The following TPRG1 variants were observed in gnomAD, a reference collection of about 807,000 sequenced individuals.
TPRG1 encodes the protein tumor protein p63 regulated 1.
In TPRG1, 29 loss-of-function variants were observed where a neutral mutation model predicts 29.3. That is an observed-to-expected ratio of 0.99 (90% CI 0.74 to 1.35). The LOEUF (loss-of-function observed/expected upper bound fraction) is 1.35. TPRG1 is among the 40% of genes most tolerant of loss of function. The pLI is 0.00. For missense variants in TPRG1, 327 were observed against 335.0 expected (o/e 0.98, Z 0.19); for synonymous variants, 130 against 116.8 (o/e 1.11, Z -0.73).
At chr3:189,303,998 T>C (rs1577015427) in intron 4 of TPRG1, among the ~76,000 whole-genome samples, 1 of 152,334 alleles carries the variant, frequency 6.6e-6, no homozygotes, top group Middle Eastern at 3.4e-3. Context: ...TAACCTCAAG[T>C]CTTTTCTTCT....
In TPRG1 at chr3:189,193,132, ATTTTT is replaced by A. The variant is rs555964454; in HGVS notation, c.-9-14227_-9-14223del. The stretch of plus-strand genomic sequence containing the variant: ...ATTCTCTCTTTGTTTTTGACTTTTA[ATTTTT>A]TTTTTTTTTTTTTTTTGAGATGAGG... On this transcript the variant is annotated intron_variant, in intron 1 of 5. Coordinates refer to ENST00000345063, the MANE Select transcript of TPRG1 (RefSeq NM_198485.4). 4.4e-5 allele frequency among the ~76,000 whole-genome samples: 4 copies of A among 90,252 alleles called. No individual in the cohort carries two copies. The South Asian group carries it at 1.3e-3, about 28-fold the overall frequency. The allele number at this position is 90,252 out of a possible 152,430, so 59.2% of individuals were successfully genotyped here.
chr3:189,176,370 C>A (rs998619503), intron 1 of TPRG1, among the ~76,000 whole-genome samples: 1 of 152,082 alleles, frequency 6.6e-6, no homozygotes, highest in Non-Finnish European at 1.5e-5. Context: ...TCATTGAAAG[C>A]TATTGAATAT....
chr3:189,169,800 G>T (rs1254728967), upstream of TPRG1, among the ~76,000 whole-genome samples: 1 of 152,212 alleles, frequency 6.6e-6, no homozygotes, highest in Non-Finnish European at 1.5e-5. Flanking sequence ...TTGCACGGAA[G>T]AGGCAATCAA....
intron 1 of TPRG1, among the ~76,000 whole-genome samples, chr3:189,112,054 G>A (rs552655902): frequency 6.6e-5 from 10 of 152,154 alleles, no homozygotes; most frequent in South Asian, 6.2e-4. Context: ...CTATTGATAT[G>A]ATCATTTGTT....
intron 4 of TPRG1, among the ~76,000 whole-genome samples, chr3:189,060,919 T>G (rs963693593): frequency 2.0e-5 from 3 of 152,180 alleles, no homozygotes; most frequent in Admixed American, 1.3e-4. Context: ...ACCCATGACA[T>G]TCTTCACAGA....
chr3:189,243,223 G>A (rs1199140585), intron 4 of TPRG1, among the ~76,000 whole-genome samples: 2 of 152,156 alleles, frequency 1.3e-5, no homozygotes, highest in African/African-American at 4.8e-5. Flanking sequence ...CTTGCATAGT[G>A]GGAGCAGGAG....
chr3:189,019,239 A>G (rs1430530631), intron 3 of TPRG1, among the ~76,000 whole-genome samples: 5 of 151,714 alleles, frequency 3.3e-5, no homozygotes, highest in Non-Finnish European at 7.4e-5. Context: ...CTCCTGCCTA[A>G]TTGCCCTGGC....
At chr3:189,246,859 A>G (rs941944531) in intron 4 of TPRG1, among the ~76,000 whole-genome samples, 2 of 152,150 alleles carry the variant, frequency 1.3e-5, no homozygotes, top group African/African-American at 4.8e-5. Context: ...GTCCACAATG[A>G]TTTGAACTGC....
chr3:189,268,626 A>G (rs1318325002), intron 4 of TPRG1, among the ~76,000 whole-genome samples: 1 of 152,160 alleles, frequency 6.6e-6, no homozygotes, highest in Non-Finnish European at 1.5e-5. Context: ...ACCCACTTTG[A>G]GGTTCTATAA....
intron 4 of TPRG1, among the ~76,000 whole-genome samples, chr3:189,285,331 G>A (rs934909820): frequency 3.3e-5 from 5 of 152,168 alleles, no homozygotes; most frequent in African/African-American, 1.2e-4. Context: ...AGGCCTAGGC[G>A]AGGAAAGGCG....
At chr3:189,125,504 T>C (rs564771362) in intron 1 of TPRG1, among the ~76,000 whole-genome samples, 1 of 152,264 alleles carries the variant, frequency 6.6e-6, no homozygotes, top group Non-Finnish European at 1.5e-5. Flanking sequence ...AATTCCTCTT[T>C]CTCTCCACCC....
intron 1 of TPRG1, among the ~76,000 whole-genome samples, chr3:189,105,522 A>G (rs968587430): frequency 2.6e-5 from 4 of 152,090 alleles, no homozygotes; most frequent in Non-Finnish European, 5.9e-5. Flanking sequence ...AGAGAATCTA[A>G]GTTCCTCTTC....
At chr3:189,218,115 T>C in intron 3 of TPRG1, 1 of 855,156 alleles carries the variant, frequency 1.2e-6, no homozygotes. Flanking sequence ...CACACAAGAT[T>C]CTCTCTTTTT....
At chr3:189,045,375 G>A (rs527740333) in intron 4 of TPRG1, among the ~76,000 whole-genome samples, 4 of 152,266 alleles carry the variant, frequency 2.6e-5, no homozygotes, top group African/African-American at 4.8e-5. Context: ...GGAAAAGAAC[G>A]TCAAGTCTCA....
At chr3:189,192,487 T>A (rs1332606105) in intron 1 of TPRG1, among the ~76,000 whole-genome samples, 1 of 152,194 alleles carries the variant, frequency 6.6e-6, no homozygotes, top group Non-Finnish European at 1.5e-5. Context: ...AACAGGTAGT[T>A]GTAATGCAGT....
At chr3:189,252,737 C>T (rs1463099718) in intron 4 of TPRG1, among the ~76,000 whole-genome samples, 1 of 152,148 alleles carries the variant, frequency 6.6e-6, no homozygotes, top group Non-Finnish European at 1.5e-5. Context: ...GGAGACCTAA[C>T]TCATAGGGTC....
chr3:189,136,796 C>A (rs1049286339), intron 3 of TPRG1, among the ~76,000 whole-genome samples: 1 of 152,036 alleles, frequency 6.6e-6, no homozygotes, highest in African/African-American at 2.4e-5. Flanking sequence ...CCATACATTC[C>A]CAGTCTAGGC....
At chr3:189,244,303 G>A (rs1741060724) in intron 4 of TPRG1, among the ~76,000 whole-genome samples, 1 of 152,030 alleles carries the variant, frequency 6.6e-6, no homozygotes, top group African/African-American at 2.4e-5. Context: ...GATGGTGCAT[G>A]CCTGTAATCC....
chr3:189,249,160 G>A (rs1457552909), intron 4 of TPRG1, among the ~76,000 whole-genome samples: 1 of 151,486 alleles, frequency 6.6e-6, no homozygotes, highest in Non-Finnish European at 1.5e-5. Context: ...TTATATACAT[G>A]TAATGTTTAT....
Sources: allele counts gnomAD v4.1 joint callset (sites outside exome capture counted in the v4.1 genomes callset), GRCh38; gene constraint gnomAD v4.1.1; transcripts MANE v1.5; gene names NCBI Gene and HGNC (gene_info 2026-07-23, HGNC 2026-07-21).